PDZRN4: variants seen among roughly 807,000 people sequenced by gnomAD.
PDZRN4 encodes PDZ domain-containing RING finger protein 4.
Under a neutral mutation model 99.0 loss-of-function variants are expected in PDZRN4, and 70 were observed. The observed-to-expected ratio is 0.71, with a 90% CI of 0.58 to 0.86. The LOEUF (loss-of-function observed/expected upper bound fraction) is 0.86, where lower values mean the gene tolerates loss of function less well. Ranked by LOEUF, PDZRN4 falls within the 40% of genes least tolerant of loss-of-function variation. The pLI is 0.00. For synonymous variants in PDZRN4, 551 were observed against 501.6 expected (o/e 1.10, Z -1.32); for missense variants, 1,474 against 1,331.2 (o/e 1.11, Z -1.67).
intron 5 of PDZRN4, among the ~76,000 whole-genome samples, chr12:41,534,995 A>G (rs1343040355): frequency 3.3e-5 from 5 of 151,560 alleles, no homozygotes; most frequent in African/African-American, 1.2e-4. Flanking sequence ...CAGTTGAGTA[A>G]TTTCCCTCCT....
chr12:41,526,595 A>C (rs565879774), intron 5 of PDZRN4, among the ~76,000 whole-genome samples: 22 of 152,314 alleles, frequency 1.4e-4, no homozygotes, highest in African/African-American at 5.3e-4. Context: ...CAAATTGAAG[A>C]AATTTTTGCA....
intron 7 of PDZRN4, among the ~76,000 whole-genome samples, chr12:41,557,379 T>A (rs902118298): frequency 6.6e-6 from 1 of 152,066 alleles, no homozygotes; most frequent in Non-Finnish European, 1.5e-5. Context: ...CCTTGTTGGA[T>A]ACAGACCCTT....
intron 3 of PDZRN4, among the ~76,000 whole-genome samples, chr12:41,438,814 A>C (rs1255708264): frequency 1.3e-5 from 2 of 152,194 alleles, no homozygotes; most frequent in Non-Finnish European, 2.9e-5. Context: ...TTCCCCTGGG[A>C]GTGTATGCTC....
intron 3 of PDZRN4, among the ~76,000 whole-genome samples, chr12:41,489,550 T>C (rs1477047564): frequency 1.3e-5 from 2 of 152,178 alleles, no homozygotes; most frequent in Non-Finnish European, 2.9e-5. Flanking sequence ...CTCAGCACTT[T>C]ACATGCAGTG....
At chr12:41,518,088 C>G (rs1330509077) in intron 5 of PDZRN4, among the ~76,000 whole-genome samples, 1 of 152,044 alleles carries the variant, frequency 6.6e-6, no homozygotes, top group East Asian at 1.9e-4. Flanking sequence ...CACATTGTCT[C>G]TGAAATGAAT....
At chr12:41,190,563 CTTCTA>C (rs1193441070) in intron 1 of PDZRN4, among the ~76,000 whole-genome samples, 1 of 152,132 alleles carries the variant, frequency 6.6e-6, no homozygotes, top group Non-Finnish European at 1.5e-5. Context: ...TAGCCAAAAC[CTTCTA>C]TGTGTTCCTC....
intron 3 of PDZRN4, among the ~76,000 whole-genome samples, chr12:41,278,910 T>C (rs1214402119): frequency 1.3e-5 from 2 of 152,164 alleles, no homozygotes; most frequent in Non-Finnish European, 2.9e-5. Context: ...TAAGGATGCA[T>C]GGATAAAGGC....
intron 3 of PDZRN4, among the ~76,000 whole-genome samples, chr12:41,383,400 A>G (rs1249153066): frequency 6.6e-6 from 1 of 152,262 alleles, no homozygotes; most frequent in East Asian, 1.9e-4. Context: ...GTCAATAGAA[A>G]TAAATACTTT....
chr12:41,509,295 G>T (rs749480073), intron 4 of PDZRN4, among the ~76,000 whole-genome samples: 1 of 152,062 alleles, frequency 6.6e-6, no homozygotes, highest in South Asian at 2.1e-4. Flanking sequence ...GAGAAAGGGG[G>T]ATCTTAAGAA....
At chr12:41,414,685 G>A (rs1952428902) in intron 3 of PDZRN4, among the ~76,000 whole-genome samples, 1 of 152,050 alleles carries the variant, frequency 6.6e-6, no homozygotes, top group African/African-American at 2.4e-5. Flanking sequence ...AGCTTACTTA[G>A]TGAAGCAGAT....
At chr12:41,361,629 T>A (rs1204806302) in intron 3 of PDZRN4, among the ~76,000 whole-genome samples, 2 of 152,000 alleles carry the variant, frequency 1.3e-5, no homozygotes, top group African/African-American at 4.8e-5. Context: ...ATAAATGACA[T>A]CCCATCACAA....
chr12:41,369,613 G>A (rs540236126), intron 3 of PDZRN4, among the ~76,000 whole-genome samples: 13 of 151,542 alleles, frequency 8.6e-5, no homozygotes, highest in African/African-American at 2.9e-4. Context: ...GTTTTTAATT[G>A]GATTCTAACT....
chr12:41,330,896 G>T (rs1451879348), intron 3 of PDZRN4, among the ~76,000 whole-genome samples: 1 of 152,024 alleles, frequency 6.6e-6, no homozygotes, highest in African/African-American at 2.4e-5. Flanking sequence ...TTTTGATACT[G>T]CCTTTAGCTC....
chr12:41,327,117 G>A (rs78004074), intron 3 of PDZRN4, among the ~76,000 whole-genome samples: 189 of 151,968 alleles, frequency 1.2e-3, no homozygotes, highest in Non-Finnish European at 2.4e-3. Flanking sequence ...TGTTTCTTTC[G>A]AATTTGAGTA....
At chr12:41,514,839 C>G (rs867879616) in intron 5 of PDZRN4, among the ~76,000 whole-genome samples, 9 of 152,102 alleles carry the variant, frequency 5.9e-5, no homozygotes, top group Middle Eastern at 3.4e-3. Flanking sequence ...CCATTTTTGT[C>G]TCAAACACTT....
chr12:41,331,892 G>A lies in PDZRN4; in HGVS notation c.843+137704G>A, dbSNP rs11180832. 3.8e-3 allele frequency among the ~76,000 whole-genome samples: 579 copies of A among 152,234 alleles called. 18 individuals are homozygous for A. In the East Asian group the frequency reaches 0.09, roughly 24 times the overall value. ...GGGATTATGGGAACTACAATTCAAT[G>A]TGAGATTTGGGTGAGGACACAGCCG... is the stretch of plus-strand genomic sequence containing the variant. On this transcript the variant is annotated intron_variant, in intron 3 of 9. Transcript: ENST00000402685.
At position 41,411,068 on chromosome 12, in the gene PDZRN4, T is replaced by TATA. The variant is rs1555141008; in HGVS notation, c.844-95388_844-95387insATA. Among the ~76,000 whole-genome samples the TATA allele has an allele frequency of 3.6e-4, 30 of 84,012 alleles. No individual in the cohort carries two copies. The East Asian group carries it at 7.7e-3, about 21-fold the overall frequency. The allele number at this position is 84,012 out of a possible 152,430, so 55.1% of individuals were successfully genotyped here. A position where few individuals can be genotyped will look rare whatever the true frequency, so the allele number is the denominator to read the frequency against. Reference sequence around the variant, plus strand: ...TTTAAAATATATATATATATATATATTTTTTTTTTATTTGTAAAGATAGTG... The same window carrying TATA: ...TTTAAAATATATATATATATATATATATATTTTTTTTTATTTGTAAAGATAGTG... On this transcript the variant is annotated intron_variant, in intron 3 of 9. Coordinates refer to ENST00000402685, the MANE Select transcript of PDZRN4 (RefSeq NM_001164595.2).
At chr12:41,287,382 A>C (rs1411865952) in intron 3 of PDZRN4, among the ~76,000 whole-genome samples, 1 of 152,212 alleles carries the variant, frequency 6.6e-6, no homozygotes, top group Non-Finnish European at 1.5e-5. Flanking sequence ...TTGGTGTCTA[A>C]AAGAAACTTG....
intron 3 of PDZRN4, among the ~76,000 whole-genome samples, chr12:41,296,833 C>T (rs1187426527): frequency 1.3e-5 from 2 of 152,004 alleles, no homozygotes; most frequent in South Asian, 2.1e-4. Flanking sequence ...GTGGCGTGTG[C>T]CTGTAGTCCT....
Sources: gnomAD v4.1 joint callset for allele counts (sites outside exome capture counted in the v4.1 genomes callset) on GRCh38, gnomAD v4.1.1 for gene constraint, MANE v1.5 for transcripts, NCBI Gene and HGNC (gene_info 2026-07-23, HGNC 2026-07-21) for gene names.